Variants in LRGUK observed in about 807,000 individuals in gnomAD.
LRGUK encodes leucine-rich repeat and guanylate kinase domain-containing protein.
A neutral mutation model predicts 76.0 loss-of-function variants in LRGUK; 65 were observed. The ratio of observed to expected loss-of-function variants is 0.85; its 90% confidence interval spans 0.70 to 1.05. The LOEUF is 1.05. Ranked by LOEUF, LRGUK falls within the 50% of genes least tolerant of loss-of-function variation. The probability of loss-of-function intolerance (pLI) is 0.00; values close to 1 mark genes in which losing one functional copy is unlikely to be tolerated. For missense variants in LRGUK, 758 were observed against 732.8 expected (o/e 1.03, Z -0.40); for synonymous variants, 268 against 265.6 (o/e 1.01, Z -0.09).
intron 19 of LRGUK, among the ~76,000 whole-genome samples, chr7:134,262,671 C>A (rs1261879260): frequency 6.6e-6 from 1 of 151,870 alleles, no homozygotes; most frequent in African/African-American, 2.4e-5. Context: ...AAACAAAAAC[C>A]AGCAAACAAG....
At chr7:134,197,415 G>T (rs1218881447) in intron 13 of LRGUK, among the ~76,000 whole-genome samples, 1 of 152,160 alleles carries the variant, frequency 6.6e-6, no homozygotes, top group Non-Finnish European at 1.5e-5. Flanking sequence ...TATTGTGAGT[G>T]AAACTGCCAC....
chr7:134,242,688 C>T (rs1250430145), intron 16 of LRGUK, among the ~76,000 whole-genome samples: 1 of 152,134 alleles, frequency 6.6e-6, no homozygotes, highest in Non-Finnish European at 1.5e-5. Context: ...AGGGAATCCT[C>T]CCTAATTCAT....
At chr7:134,181,840 G>A (rs190594916) in intron 10 of LRGUK, among the ~76,000 whole-genome samples, 60 of 152,092 alleles carry the variant, frequency 3.9e-4, no homozygotes, top group Non-Finnish European at 6.9e-4. Context: ...CAACCTTATC[G>A]GATTTCACCA....
In LRGUK at chr7:134,131,916, G is replaced by A. The variant is rs1337633169; in HGVS notation, c.297+4252G>A. Among the ~76,000 whole-genome samples the A allele has an allele frequency of 3.3e-5, 5 of 152,116 alleles. 1 individual carries two copies. Among genetic ancestry groups the A allele is most frequent in the South Asian group, 4.1e-4 (2 of 4,828 alleles). On this transcript the variant is annotated intron_variant, in intron 1 of 15. Coordinates refer to ENST00000645682, the Ensembl canonical transcript of LRGUK. ...GAAGGGATGGGAGGGAAAAGGCCAC[G>A]AATAGACCCATAAAGGTACAGATAC...
Position 134,263,879 on chromosome 7 carries a change from GTC to G in LRGUK, c.2385_2386del (p.His796ProfsTer32). The G allele has an allele frequency of 6.2e-7, 1 of 1,610,948 alleles. No homozygotes were observed. Among genetic ancestry groups the G allele is most frequent in the Non-Finnish European group, 8.5e-7 (1 of 1,178,658 alleles). ...TACAATCATTTTCACATGAAAAAGAGTCTCACCAACACAGACAACACTCGGTC... is the reference window on the plus strand; with the variant it reads ...TACAATCATTTTCACATGAAAAAGAGTCACCAACACAGACAACACTCGGTC... On this transcript the variant is annotated frameshift_variant, in exon 20 of 20. Coordinates refer to the LRGUK transcript ENST00000285928. LOFTEE classifies it low-confidence loss of function (END_TRUNC).
At chr7:134,226,218 A>ATGTGTGTGTGTGTGTGTGTGTGTG (rs57035440) in intron 16 of LRGUK, among the ~76,000 whole-genome samples, 2 of 141,714 alleles carry the variant, frequency 1.4e-5, no homozygotes, top group African/African-American at 5.7e-5. Flanking sequence ...CCCATCTCCA[A>ATGTGTGTGTGTGTGTGTGTGTGTG]TGTGTGTGTG....
the LRGUK span, among the ~76,000 whole-genome samples, chr7:134,270,859 C>T: frequency 3.2e-4 from 48 of 152,106 alleles, no homozygotes; most frequent in African/African-American, 1.2e-3. Context: ...GGTGGAATTG[C>T]TGTGTTATAG....
intron 16 of LRGUK, among the ~76,000 whole-genome samples, chr7:134,246,451 T>A (rs1802303724): frequency 6.6e-6 from 1 of 152,242 alleles, no homozygotes; most frequent in African/African-American, 2.4e-5. Flanking sequence ...TTCTTAAAAC[T>A]TGATTTTTAA....
intron 3 of LRGUK, 110 bp downstream of exon 3, chr7:134,139,627 A>G: frequency 1.5e-6 from 1 of 667,234 alleles, no homozygotes; most frequent in Non-Finnish European, 2.5e-6. Flanking sequence ...TTTGTGTATC[A>G]ATTTACATAT....
Position 134,248,968 on chromosome 7 carries a change from C to T in LRGUK, c.2090C>T (p.Pro697Leu), listed in dbSNP as rs567783308. Residue 697 changes from proline to leucine, a missense_variant, in exon 18 of 20, where the codon CCT becomes CTT. Coordinates refer to the LRGUK transcript ENST00000285928. ...CATTCCAGGGGTCCAGTACCAGCAC[C>T]TCTCACCAGTGGTCTACACTATTAT... 3.9e-6 allele frequency: 6 copies of T among 1,534,258 alleles called. No individual in the cohort carries two copies. The East Asian group carries it at 9.3e-5, about 24-fold the overall frequency.
chr7:134,206,155 G>A (rs117057858), intron 15 of LRGUK, among the ~76,000 whole-genome samples: 3,018 of 152,250 alleles, frequency 0.02, 39 homozygotes, highest in Non-Finnish European at 0.031. Flanking sequence ...CTTAATGCAT[G>A]TATAAAATAC....
At chr7:134,271,171 T>G in the LRGUK span, among the ~76,000 whole-genome samples, 1 of 152,068 alleles carries the variant, frequency 6.6e-6, no homozygotes, top group African/African-American at 2.4e-5. Flanking sequence ...TATCTTTTTC[T>G]TATTGGTTTG....
chr7:134,148,538 T>C (rs1042007256), intron 5 of LRGUK, among the ~76,000 whole-genome samples: 1 of 152,178 alleles, frequency 6.6e-6, no homozygotes, highest in African/African-American at 2.4e-5. Context: ...GTCAAGAGTA[T>C]CTTACCCTTG....
chr7:134,140,585 C>T (rs1458870340), intron 3 of LRGUK, among the ~76,000 whole-genome samples: 3 of 152,094 alleles, frequency 2.0e-5, no homozygotes, highest in Non-Finnish European at 4.4e-5. Flanking sequence ...TTACTTCTGA[C>T]CTGCTTTCTT....
chr7:134,146,663 A>G (rs1273264772), intron 4 of LRGUK, among the ~76,000 whole-genome samples: 1 of 152,140 alleles, frequency 6.6e-6, no homozygotes, highest in Non-Finnish European at 1.5e-5. Flanking sequence ...GCTGTATTGC[A>G]ATTGACTTCA....
intron 16 of LRGUK, among the ~76,000 whole-genome samples, chr7:134,241,305 C>A (rs1339791760): frequency 2.0e-5 from 3 of 152,036 alleles, no homozygotes; most frequent in African/African-American, 7.2e-5. Context: ...ATTCAGGAGA[C>A]CCATCTCACG....
intron 1 of LRGUK, among the ~76,000 whole-genome samples, chr7:134,134,914 T>C (rs932285562): frequency 1.3e-5 from 2 of 152,088 alleles, no homozygotes; most frequent in Non-Finnish European, 1.5e-5. Context: ...GTGAGTTTTA[T>C]GTCCATTTTT....
intron 16 of LRGUK, among the ~76,000 whole-genome samples, 186 bp from the exon 17 acceptor site, chr7:134,247,370 G>A (rs1413439103): frequency 6.6e-6 from 1 of 151,956 alleles, no homozygotes; most frequent in Non-Finnish European, 1.5e-5. Context: ...AATATACTTT[G>A]GCTTTATTTA....
chr7:134,176,770 T>A (rs933324107), intron 8 of LRGUK, among the ~76,000 whole-genome samples: 2 of 152,188 alleles, frequency 1.3e-5, no homozygotes, highest in Non-Finnish European at 2.9e-5. Context: ...GAGTGTACAC[T>A]TGAAGACCTT....
Sources: gnomAD v4.1 joint callset for allele counts (sites outside exome capture counted in the v4.1 genomes callset) on GRCh38, gnomAD v4.1.1 for gene constraint, MANE v1.5 for transcripts, NCBI Gene and HGNC (gene_info 2026-07-23, HGNC 2026-07-21) for gene names.